PARD3B: variants seen among roughly 807,000 people sequenced by gnomAD.
PARD3B encodes the protein partitioning defective 3 homolog B.
Under a neutral mutation model 130.2 loss-of-function variants are expected in PARD3B, and 103 were observed. The ratio of observed to expected loss-of-function variants is 0.79; its 90% CI spans 0.67 to 0.93. The LOEUF (loss-of-function observed/expected upper bound fraction) is 0.93. Ranked by LOEUF, PARD3B falls within the 40% of genes least tolerant of loss-of-function variation. The pLI, the probability that PARD3B is intolerant of heterozygous loss-of-function variation, is 0.00. For missense variants in PARD3B, 1,609 were observed against 1,499.2 expected (o/e 1.07, Z -1.21); for synonymous variants, 583 against 553.2 (o/e 1.05, Z -0.76).
At chr2:204,746,666 C>G (rs561114214) in intron 2 of PARD3B, among the ~76,000 whole-genome samples, 3 of 151,974 alleles carry the variant, frequency 2.0e-5, no homozygotes, top group African/African-American at 4.8e-5. Context: ...TTTTAATGAT[C>G]GCCATTCTAA....
intron 15 of PARD3B, among the ~76,000 whole-genome samples, chr2:205,196,195 A>G (rs73982817): frequency 0.21 from 31,367 of 151,984 alleles, 3,745 homozygotes; most frequent in African/African-American, 0.33. Flanking sequence ...TTCCCCATCT[A>G]TGTACATGTC....
intron 10 of PARD3B, among the ~76,000 whole-genome samples, chr2:205,150,110 A>G (rs2033639780): frequency 6.6e-6 from 1 of 152,124 alleles, no homozygotes; most frequent in Admixed American, 6.6e-5. Flanking sequence ...GGCTCTGGGA[A>G]TCTCAAGGAC....
At chr2:204,643,548 G>A (rs998861059) in intron 1 of PARD3B, among the ~76,000 whole-genome samples, 7 of 152,140 alleles carry the variant, frequency 4.6e-5, no homozygotes, top group Admixed American at 6.5e-5. Context: ...AACGCAGGAC[G>A]GCTTTGAATG....
chr2:205,231,078 C>T (rs1432738907), intron 15 of PARD3B, among the ~76,000 whole-genome samples: 1 of 152,056 alleles, frequency 6.6e-6, no homozygotes, highest in African/African-American at 2.4e-5. Flanking sequence ...GTGCCTTTTT[C>T]AGTGATATGA....
Position 205,274,042 on chromosome 2 carries a change from C to G in PARD3B, c.2186-26488C>G, listed in dbSNP as rs1035422702. Among the ~76,000 whole-genome samples, 2 of 151,970 alleles carry G rather than the reference C, an allele frequency of 1.3e-5. No homozygotes were observed. The highest frequency in any genetic ancestry group is 2.9e-5 in the Non-Finnish European group (2 of 67,988). On this transcript the variant is annotated intron_variant, in intron 16 of 22. Coordinates refer to ENST00000406610, the MANE Select transcript of PARD3B (RefSeq NM_001302769.2). This position sits in a 1 kb window ranked among gnomAD's most constrained non-coding sequence, Gnocchi z 4.2. ...TTCATTGCACATTTGAGGATTGGCT[C>G]CTGTTTTGTGTTATCCATATTATTA...
chr2:204,771,685 A>G (rs2041392200), intron 2 of PARD3B, among the ~76,000 whole-genome samples: 2 of 152,126 alleles, frequency 1.3e-5, no homozygotes, highest in South Asian at 4.1e-4. Context: ...TTAAAATTAA[A>G]AAGTTGCTGT....
intron 1 of PARD3B, among the ~76,000 whole-genome samples, chr2:204,561,601 T>C (rs2031313489): frequency 6.6e-6 from 1 of 151,448 alleles, no homozygotes; most frequent in Non-Finnish European, 1.5e-5. Context: ...TGTATTTTTT[T>C]TTTTTTTTTT....
At chr2:205,494,762 A>G (rs1327661313) in intron 20 of PARD3B, among the ~76,000 whole-genome samples, 1 of 152,200 alleles carries the variant, frequency 6.6e-6, no homozygotes, top group Non-Finnish European at 1.5e-5. Flanking sequence ...TTGCGAGGCA[A>G]CATGATATAG....
chr2:204,766,744 T>C (rs553490212), intron 2 of PARD3B, among the ~76,000 whole-genome samples: 21 of 151,856 alleles, frequency 1.4e-4, no homozygotes, highest in African/African-American at 4.6e-4. Context: ...AAACTAACTT[T>C]GTTATGCTTT....
intron 2 of PARD3B, among the ~76,000 whole-genome samples, chr2:204,810,149 G>T (rs1243404803): frequency 6.6e-6 from 1 of 152,026 alleles, no homozygotes; most frequent in African/African-American, 2.4e-5. Context: ...TTTGGGCTGA[G>T]ACTGTAGAGT....
chr2:205,616,092 T>G lies in PARD3B; in HGVS notation c.*279T>G. 1 of 421,012 alleles carries G rather than the reference T, an allele frequency of 2.4e-6. No individual in the cohort carries two copies. Among genetic ancestry groups the G allele is most frequent in the Non-Finnish European group, 4.2e-6 (1 of 237,376 alleles). The allele number at this position is 421,012 out of a possible 1,614,324, so 26.1% of individuals were successfully genotyped here. A position where few individuals can be genotyped will look rare whatever the true frequency, so the allele number is the denominator to read the frequency against. On this transcript the variant is annotated 3_prime_UTR_variant, in exon 23 of 23. Coordinates refer to ENST00000406610, the MANE Select transcript of PARD3B (RefSeq NM_001302769.2). ...TCAGAGTTGTTCAAATCAGTGAGAGTGGCAACGGAACACACAAACAACTAA... is the reference window on the plus strand; with the variant it reads ...TCAGAGTTGTTCAAATCAGTGAGAGGGGCAACGGAACACACAAACAACTAA...
At chr2:205,336,031 A>G (rs2043303214) in intron 18 of PARD3B, among the ~76,000 whole-genome samples, 2 of 152,114 alleles carry the variant, frequency 1.3e-5, no homozygotes, top group African/African-American at 4.8e-5. Flanking sequence ...GCCAAACTAT[A>G]TCAGTAGAGA....
intron 3 of PARD3B, among the ~76,000 whole-genome samples, chr2:204,968,596 G>C (rs528386325): frequency 5.3e-5 from 8 of 152,274 alleles, no homozygotes; most frequent in Non-Finnish European, 8.8e-5. Context: ...TCAAACCTCT[G>C]TGCCTTTGCA....
intron 13 of PARD3B, among the ~76,000 whole-genome samples, chr2:205,184,089 C>T (rs1215927118): frequency 6.6e-6 from 1 of 152,098 alleles, no homozygotes; most frequent in Non-Finnish European, 1.5e-5. Context: ...CATGCCTTCA[C>T]GTGATTAGAC....
intron 19 of PARD3B, among the ~76,000 whole-genome samples, chr2:205,425,282 A>G (rs989901509): frequency 2.0e-5 from 3 of 152,194 alleles, no homozygotes; most frequent in African/African-American, 7.2e-5. Context: ...CATTTCTGAG[A>G]AACTTGTCTA....
chr2:205,226,741 A>G (rs1259562758), intron 15 of PARD3B, among the ~76,000 whole-genome samples: 2 of 152,186 alleles, frequency 1.3e-5, no homozygotes, highest in African/African-American at 4.8e-5. Context: ...TGCCAGGATC[A>G]TGCTGTTCTG....
In PARD3B at chr2:205,118,071, C is replaced by T. The variant is rs187472633; in HGVS notation, c.681-850C>T. ...TGTATCCTCTCTAATTTAGCCTCTT[C>T]TTGGTTGAAATTTTGGACAACTCTT... On this transcript the variant is annotated intron_variant, in intron 6 of 22. Transcript: ENST00000406610. Among the ~76,000 whole-genome samples, 310 of 152,288 alleles carry T rather than the reference C, an allele frequency of 2.0e-3. 2 individuals carry two copies. The highest frequency in any genetic ancestry group is 7.2e-3 in the African/African-American group (300 of 41,566).
At chr2:204,713,202 A>G (rs2038541357) in intron 2 of PARD3B, among the ~76,000 whole-genome samples, 1 of 152,088 alleles carries the variant, frequency 6.6e-6, no homozygotes, top group Non-Finnish European at 1.5e-5. Flanking sequence ...TATCTAGGCT[A>G]GAAGCATAGG....
intron 18 of PARD3B, among the ~76,000 whole-genome samples, chr2:205,332,204 T>C (rs2043163148): frequency 6.6e-6 from 1 of 152,222 alleles, no homozygotes; most frequent in Non-Finnish European, 1.5e-5. Flanking sequence ...TTGCTTGCCT[T>C]TTTAGCTAAC....
Sources: allele counts gnomAD v4.1 joint callset (sites outside exome capture counted in the v4.1 genomes callset), GRCh38; gene constraint gnomAD v4.1.1; non-coding constraint Gnocchi (gnomAD v3.1); transcripts MANE v1.5; gene names NCBI Gene and HGNC (gene_info 2026-07-23, HGNC 2026-07-21).